Variants in RAB38 observed in about 807,000 individuals in gnomAD.
RAB38 encodes ras-related protein Rab-38.
RAB38 carries 15 observed loss-of-function variants against 18.4 expected under a neutral mutation model. That is an observed-to-expected ratio of 0.82 (90% CI 0.55 to 1.26). The LOEUF (loss-of-function observed/expected upper bound fraction) is 1.26, where lower values mean the gene tolerates loss of function less well. Among genes scored for constraint, RAB38 ranks in the 50% most tolerant of loss-of-function variants. RAB38 has a pLI of 0.00. For missense variants in RAB38, 294 were observed against 267.4 expected (o/e 1.10, Z -0.69); for synonymous variants, 101 against 104.4 (o/e 0.97, Z 0.20).
At chr11:88,080,555 A>G in the RAB38 span, among the ~76,000 whole-genome samples, 1 of 151,868 alleles carries the variant, frequency 6.6e-6, no homozygotes, top group Admixed American at 6.6e-5. Context: ...TCTAACATTT[A>G]AATAGAAAAA....
At chr11:88,133,141 C>A (rs528522423) in intron 2 of RAB38, among the ~76,000 whole-genome samples, 4 of 151,990 alleles carry the variant, frequency 2.6e-5, no homozygotes, top group Non-Finnish European at 4.4e-5. Flanking sequence ...AACTGGCATA[C>A]GGACAGATTA....
chr11:88,148,464 T>C (rs1943019711), intron 2 of RAB38, among the ~76,000 whole-genome samples: 1 of 152,194 alleles, frequency 6.6e-6, no homozygotes, highest in Admixed American at 6.5e-5. Context: ...CCACAGAGCA[T>C]GGTAACTACC....
At chr11:87,941,364 C>G in the RAB38 span, among the ~76,000 whole-genome samples, 1 of 151,146 alleles carries the variant, frequency 6.6e-6, no homozygotes, top group Non-Finnish European at 1.5e-5. Flanking sequence ...CGCAGTCTGT[C>G]TGGATTTTAT....
chr11:88,030,014 G>A, the RAB38 span, among the ~76,000 whole-genome samples: 24,058 of 151,686 alleles, frequency 0.16, 3,271 homozygotes, highest in African/African-American at 0.35. Flanking sequence ...AAGAACAGAA[G>A]TTATAACAAA....
chr11:87,908,042 C>T, the RAB38 span, among the ~76,000 whole-genome samples: 1 of 151,752 alleles, frequency 6.6e-6, no homozygotes, highest in Admixed American at 6.6e-5. Context: ...TTTCTTCTCT[C>T]CTTTTAAGAC....
chr11:87,942,490 G>A, the RAB38 span, among the ~76,000 whole-genome samples: 1 of 152,124 alleles, frequency 6.6e-6, no homozygotes, highest in Non-Finnish European at 1.5e-5. Context: ...TTATGCTTAG[G>A]TTGCCTGCTC....
the RAB38 span, among the ~76,000 whole-genome samples, chr11:88,024,908 C>A: frequency 2.6e-4 from 30 of 117,488 alleles, no homozygotes; most frequent in African/African-American, 7.4e-4. Context: ...TTAATGGGCA[C>A]AAAAAAAATA....
the RAB38 span, among the ~76,000 whole-genome samples, chr11:88,025,159 G>A: frequency 6.6e-6 from 1 of 151,138 alleles, no homozygotes; most frequent in Non-Finnish European, 1.5e-5. Context: ...AGGTGGCTGT[G>A]TAGTATTCCA....
chr11:88,029,927 T>C, the RAB38 span, among the ~76,000 whole-genome samples: 1 of 152,090 alleles, frequency 6.6e-6, no homozygotes, highest in Non-Finnish European at 1.5e-5. Context: ...AGAATATACA[T>C]TTTTTTCAGC....
the RAB38 span, among the ~76,000 whole-genome samples, chr11:88,020,987 A>G: frequency 1.3e-5 from 2 of 152,262 alleles, no homozygotes; most frequent in Middle Eastern, 6.8e-3. Context: ...AAGTGCCTAC[A>G]TCAAAAAAGA....
At chr11:87,955,249 A>G in the RAB38 span, among the ~76,000 whole-genome samples, 6 of 152,232 alleles carry the variant, frequency 3.9e-5, no homozygotes, top group African/African-American at 1.2e-4. Flanking sequence ...TTAATCCAGC[A>G]AATCCAAATT....
At position 88,138,398 on chromosome 11, in the gene RAB38, A is replaced by G. The variant is rs185462044; in HGVS notation, c.483+11277T>C. On this transcript the variant is annotated intron_variant, in intron 2 of 2. Coordinates refer to ENST00000243662, the MANE Select transcript of RAB38 (RefSeq NM_022337.3). ...GCAGTGATAGAATTTTACTGAAAAG[A>G]TGGGGAAGTGGGGTAAGTAGGTAAG... Among the ~76,000 whole-genome samples the G allele has an allele frequency of 2.0e-5, 3 of 151,366 alleles. No individual in the cohort carries two copies. The East Asian group carries it at 5.8e-4, about 29-fold the overall frequency.
chr11:88,040,054 AT>A, the RAB38 span, among the ~76,000 whole-genome samples: 1 of 152,234 alleles, frequency 6.6e-6, no homozygotes, highest in Admixed American at 6.5e-5. Context: ...TTTGAACTGA[AT>A]AATTCCCAGG....
rs1447232943 is a variant in RAB38 at position 88,113,412 on chromosome 11, A to C, written c.*576T>G. On this transcript the variant is annotated 3_prime_UTR_variant, in exon 3 of 3. Transcript: ENST00000243662. ...TGTCTTTTCATACAATATTCAGTTA[A>C]GCCAACATTCAGGCCATGGCAAGTG... The C allele has an allele frequency of 2.0e-5, 3 of 153,516 alleles. No individual in the cohort carries two copies. The highest frequency in any genetic ancestry group is 7.2e-5 in the African/African-American group (3 of 41,462). 9.5% of individuals were successfully genotyped at this position (153,516 alleles called of 1,614,324 possible). A position where few individuals can be genotyped will look rare whatever the true frequency, so the allele number is the denominator to read the frequency against.
chr11:88,034,526 A>C, the RAB38 span, among the ~76,000 whole-genome samples: 1 of 152,240 alleles, frequency 6.6e-6, no homozygotes, highest in Non-Finnish European at 1.5e-5. Flanking sequence ...TATCATAAAC[A>C]AATTTTATCC....
At chr11:87,952,954 AT>A in the RAB38 span, among the ~76,000 whole-genome samples, 1 of 151,342 alleles carries the variant, frequency 6.6e-6, no homozygotes, top group African/African-American at 2.4e-5. Context: ...CATGTTTTAA[AT>A]GTTTTTAATT....
the RAB38 span, among the ~76,000 whole-genome samples, chr11:87,971,605 T>C: frequency 3.3e-5 from 5 of 152,114 alleles, no homozygotes; most frequent in Non-Finnish European, 7.4e-5. Flanking sequence ...TTAAGGCCAT[T>C]GGACGCTAAC....
At chr11:88,006,501 C>G in the RAB38 span, among the ~76,000 whole-genome samples, 2 of 150,356 alleles carry the variant, frequency 1.3e-5, no homozygotes, top group African/African-American at 4.9e-5. Context: ...GCAGTATTCA[C>G]AATAGCCAAG....
the RAB38 span, among the ~76,000 whole-genome samples, chr11:87,957,208 T>C: frequency 6.6e-6 from 1 of 152,140 alleles, no homozygotes; most frequent in Admixed American, 6.6e-5. Context: ...CAAGTTTCCT[T>C]AAAAGTTCTC....
Sources: gnomAD v4.1 joint callset for allele counts (sites outside exome capture counted in the v4.1 genomes callset) on GRCh38, gnomAD v4.1.1 for gene constraint, MANE v1.5 for transcripts, NCBI Gene and HGNC (gene_info 2026-07-23, HGNC 2026-07-21) for gene names.